NXPE2: variants seen among roughly 807,000 people sequenced by gnomAD.
NXPE2 encodes neurexophilin and PC-esterase domain family member 2.
In NXPE2, 34 loss-of-function variants were observed where a neutral mutation model predicts 34.4. The observed-to-expected ratio is 0.99, with a 90% CI of 0.75 to 1.31. NXPE2 has a LOEUF of 1.31. Ranked by LOEUF, NXPE2 falls within the 40% of genes most tolerant of loss-of-function variation. The pLI is 0.00. For synonymous variants in NXPE2, 235 were observed against 231.3 expected, an observed-to-expected ratio of 1.02 and a Z score of -0.15; for missense variants, 649 against 672.5, an observed-to-expected ratio of 0.97 and a Z score of 0.39.
chr11:114,761,165 G>A, the NXPE2 span, among the ~76,000 whole-genome samples: 2 of 152,166 alleles, frequency 1.3e-5, no homozygotes, highest in Admixed American at 6.5e-5. Flanking sequence ...TCAGAAAGGA[G>A]GCAAACTCAG....
chr11:114,781,138 C>G, the NXPE2 span, among the ~76,000 whole-genome samples: 1 of 152,164 alleles, frequency 6.6e-6, no homozygotes, highest in African/African-American at 2.4e-5. Flanking sequence ...ACATGGCTTG[C>G]CACTGAGAAG....
chr11:114,491,329 C>A, the NXPE2 span, among the ~76,000 whole-genome samples: 5 of 151,618 alleles, frequency 3.3e-5, no homozygotes, highest in Non-Finnish European at 5.9e-5. Flanking sequence ...AAAAAACAAC[C>A]CCATCAAAAA....
chr11:114,537,840 AAAATGG>A, the NXPE2 span, among the ~76,000 whole-genome samples: 1 of 151,992 alleles, frequency 6.6e-6, no homozygotes, highest in African/African-American at 2.4e-5. Flanking sequence ...CAGTATCATG[AAAATGG>A]CCATACTGCC....
upstream of NXPE2, among the ~76,000 whole-genome samples, chr11:114,676,036 T>C (rs1200937446): frequency 6.6e-6 from 1 of 151,904 alleles, no homozygotes; most frequent in Non-Finnish European, 1.5e-5. Flanking sequence ...CTGACAGAAC[T>C]GCATATCCAC....
the NXPE2 span, among the ~76,000 whole-genome samples, chr11:114,623,428 G>A: frequency 6.6e-6 from 1 of 152,048 alleles, no homozygotes; most frequent in Non-Finnish European, 1.5e-5. Flanking sequence ...TGGATAATAA[G>A]TATTCCCTCA....
the NXPE2 span, among the ~76,000 whole-genome samples, chr11:114,496,943 G>A: frequency 9.2e-5 from 14 of 152,144 alleles, no homozygotes; most frequent in Non-Finnish European, 2.1e-4. Context: ...ATTATGTATA[G>A]TACATTATTG....
the NXPE2 span, among the ~76,000 whole-genome samples, chr11:114,724,856 T>G: frequency 1.3e-5 from 2 of 151,208 alleles, no homozygotes; most frequent in Non-Finnish European, 2.9e-5. Flanking sequence ...TTTTTTTTTT[T>G]TTAACCCTCC....
chr11:114,764,427 TA>T, the NXPE2 span, among the ~76,000 whole-genome samples: 10,791 of 149,976 alleles, frequency 0.072, 1,233 homozygotes, highest in African/African-American at 0.24. Flanking sequence ...TAGTTTTCTT[TA>T]AAAAAAAAAA....
chr11:114,472,137 G>A, the NXPE2 span, among the ~76,000 whole-genome samples: 1 of 152,206 alleles, frequency 6.6e-6, no homozygotes, highest in Non-Finnish European at 1.5e-5. Context: ...GAGTCTGTGT[G>A]CAAATTGCAA....
At chr11:114,633,894 G>C in the NXPE2 span, among the ~76,000 whole-genome samples, 1 of 151,768 alleles carries the variant, frequency 6.6e-6, no homozygotes, top group Non-Finnish European at 1.5e-5. Context: ...TTCCAAGTCT[G>C]CTATTGTGAG....
the NXPE2 span, among the ~76,000 whole-genome samples, chr11:114,621,774 T>C: frequency 6.6e-6 from 1 of 152,162 alleles, no homozygotes; most frequent in Non-Finnish European, 1.5e-5. Context: ...GCCTCATGGG[T>C]AACCACTGTT....
the NXPE2 span, among the ~76,000 whole-genome samples, chr11:114,514,638 C>T: frequency 2.0e-5 from 3 of 152,296 alleles, no homozygotes; most frequent in South Asian, 6.2e-4. Context: ...ATCCTCCCAC[C>T]TCAGTCTCCC....
intron 2 of NXPE2, among the ~76,000 whole-genome samples, chr11:114,696,504 C>A (rs76033168): frequency 0.098 from 14,898 of 151,898 alleles, 868 homozygotes; most frequent in Middle Eastern, 0.2. Flanking sequence ...TAATATCAGA[C>A]AAAGTAGATT....
chr11:114,808,516 C>T, the NXPE2 span, among the ~76,000 whole-genome samples: 14 of 130,618 alleles, frequency 1.1e-4, no homozygotes, highest in African/African-American at 3.2e-4. Flanking sequence ...GGGGATATCA[C>T]CACCGATCCC....
intron 1 of NXPE2, among the ~76,000 whole-genome samples, chr11:114,679,308 C>T (rs898329773): frequency 2.6e-4 from 5 of 19,430 alleles, no homozygotes; most frequent in Non-Finnish European, 2.8e-4. Context: ...CTAGAGGACA[C>T]GGTGGGGGTG....
the NXPE2 span, among the ~76,000 whole-genome samples, chr11:114,610,390 T>C: frequency 1.3e-5 from 2 of 151,978 alleles, no homozygotes; most frequent in African/African-American, 2.4e-5. Context: ...GCCTCGTGGG[T>C]AACCACTGTT....
the NXPE2 span, among the ~76,000 whole-genome samples, chr11:114,483,689 A>G: frequency 6.6e-6 from 1 of 152,200 alleles, no homozygotes; most frequent in Admixed American, 6.5e-5. Context: ...GCAATAGTCT[A>G]TTACAGTTTA....
At chr11:114,813,318 G>A in the NXPE2 span, among the ~76,000 whole-genome samples, 76 of 152,274 alleles carry the variant, frequency 5.0e-4, no homozygotes, top group African/African-American at 1.8e-3. Flanking sequence ...CTTCCTCCTT[G>A]TAAATCAGAC....
chr11:114,738,183 C>T, the NXPE2 span, among the ~76,000 whole-genome samples: 1 of 152,120 alleles, frequency 6.6e-6, no homozygotes, highest in Non-Finnish European at 1.5e-5. Flanking sequence ...GGCAGACATG[C>T]CTAACTAGCT....
Sources: gnomAD v4.1 joint callset for allele counts (sites outside exome capture counted in the v4.1 genomes callset) on GRCh38, gnomAD v4.1.1 for gene constraint, MANE v1.5 for transcripts, NCBI Gene and HGNC (gene_info 2026-07-23, HGNC 2026-07-21) for gene names.